ADAMTSL1: variants seen among roughly 807,000 people sequenced by gnomAD.
ADAMTSL1 encodes ADAMTS-like protein 1.
In ADAMTSL1, 126 loss-of-function variants were observed where a neutral mutation model predicts 201.8. The ratio of observed to expected loss-of-function variants is 0.62; its 90% CI spans 0.54 to 0.72. ADAMTSL1 has a LOEUF of 0.72. Ranked by LOEUF, ADAMTSL1 falls within the 30% of genes least tolerant of loss-of-function variation. The pLI is 0.00. For missense variants in ADAMTSL1, 2,679 were observed against 2,277.8 expected, an observed-to-expected ratio of 1.18 and a Z score of -3.59; for synonymous variants, 1,121 against 903.4, an observed-to-expected ratio of 1.24 and a Z score of -4.32.
chr9:18,063,491 G>T (rs1026756486), intron 1 of ADAMTSL1, among the ~76,000 whole-genome samples: 2 of 152,216 alleles, frequency 1.3e-5, no homozygotes, highest in African/African-American at 4.8e-5. Context: ...AAATATGTTT[G>T]TCAAGCATTC....
intron 1 of ADAMTSL1, among the ~76,000 whole-genome samples, chr9:17,991,737 C>T (rs1206965601): frequency 6.6e-6 from 1 of 152,128 alleles, no homozygotes; most frequent in Admixed American, 6.6e-5. Flanking sequence ...ATAGTCAGAC[C>T]TGCCTCAGAT....
chr9:17,997,000 A>G (rs1419993164), intron 1 of ADAMTSL1, among the ~76,000 whole-genome samples: 2 of 152,160 alleles, frequency 1.3e-5, no homozygotes, highest in African/African-American at 4.8e-5. Context: ...TCAGATAAGA[A>G]CCTACGTAAG....
chr9:18,251,629 C>T (rs1443667253), intron 2 of ADAMTSL1, among the ~76,000 whole-genome samples: 1 of 152,076 alleles, frequency 6.6e-6, no homozygotes, highest in Non-Finnish European at 1.5e-5. Context: ...TTTCAAGGCT[C>T]ACATGGAAGA....
chr9:18,198,031 G>C (rs1563801954), intron 2 of ADAMTSL1, among the ~76,000 whole-genome samples: 2 of 152,266 alleles, frequency 1.3e-5, no homozygotes, highest in African/African-American at 4.8e-5. Context: ...TTAATGAATG[G>C]TGCTGGGAAA....
At chr9:17,914,753 G>T (rs1214699209) in intron 1 of ADAMTSL1, among the ~76,000 whole-genome samples, 1 of 151,988 alleles carries the variant, frequency 6.6e-6, no homozygotes, top group African/African-American at 2.4e-5. Context: ...CAGATGACAT[G>T]ATTGTATATC....
intron 2 of ADAMTSL1, among the ~76,000 whole-genome samples, chr9:18,234,133 G>A (rs1170042387): frequency 6.6e-6 from 1 of 152,144 alleles, no homozygotes; most frequent in African/African-American, 2.4e-5. Flanking sequence ...TGGGGGGTGA[G>A]AGTGAGAAAA....
intron 2 of ADAMTSL1, among the ~76,000 whole-genome samples, chr9:18,318,065 C>T (rs570778989): frequency 6.6e-6 from 1 of 152,110 alleles, no homozygotes; most frequent in Non-Finnish European, 1.5e-5. Context: ...AATTAGACAC[C>T]TCTTGGGCTA....
At chr9:18,345,928 C>T (rs1393766299) in intron 2 of ADAMTSL1, among the ~76,000 whole-genome samples, 1 of 152,028 alleles carries the variant, frequency 6.6e-6, no homozygotes, top group African/African-American at 2.4e-5. Context: ...ACTGCAGGCC[C>T]TGTAAACAAA....
chr9:18,872,490 C>T (rs1266071532), intron 23 of ADAMTSL1, among the ~76,000 whole-genome samples: 1 of 152,144 alleles, frequency 6.6e-6, no homozygotes, highest in East Asian at 1.9e-4. Context: ...CACCCACCTC[C>T]CATGCTTCCT....
chr9:18,851,387 A>G (rs778918892), intron 23 of ADAMTSL1, among the ~76,000 whole-genome samples: 12 of 152,328 alleles, frequency 7.9e-5, no homozygotes, highest in South Asian at 6.2e-4. Context: ...TTCTATTTCC[A>G]TCTAGCTGTT....
chr9:18,601,438 A>G (rs923278459), intron 4 of ADAMTSL1, among the ~76,000 whole-genome samples: 3 of 152,206 alleles, frequency 2.0e-5, no homozygotes, highest in African/African-American at 7.2e-5. Flanking sequence ...AGCTCTAATC[A>G]TATTCTGACT....
chr9:18,080,268 G>A (rs575916034), intron 1 of ADAMTSL1, among the ~76,000 whole-genome samples: 1 of 152,308 alleles, frequency 6.6e-6, no homozygotes, highest in African/African-American at 2.4e-5. Context: ...ATAAGGTAGA[G>A]ATATAAGGTA....
At chr9:18,197,218 A>C (rs556546367) in intron 2 of ADAMTSL1, among the ~76,000 whole-genome samples, 1 of 152,264 alleles carries the variant, frequency 6.6e-6, no homozygotes, top group East Asian at 1.9e-4. Context: ...CTGTGAAGAA[A>C]GGCATTGGTA....
intron 2 of ADAMTSL1, among the ~76,000 whole-genome samples, chr9:18,219,588 C>T (rs138111299): frequency 1.0e-3 from 159 of 152,040 alleles, no homozygotes; most frequent in African/African-American, 3.4e-3. Context: ...AGGCTGGTCT[C>T]GAACTCCTGA....
Position 18,777,301 on chromosome 9 carries a change from C to A in ADAMTSL1, c.3072C>A (p.Leu1024=), listed in dbSNP as rs752732254. ...AANPGSRYDD[L]VSRLLEQGGW... ...ACCCGGGGAGCCGCTACGACGACCT[C>A]GTCTCCCGGCTGCTGGAGCAGGGCG... Residue 1024 remains leucine (L), a synonymous_variant, in exon 19 of 29, where the codon CTC becomes CTA. Coordinates refer to ENST00000380548, the MANE Select transcript of ADAMTSL1 (RefSeq NM_001040272.6). 32 of 1,604,030 alleles carry A rather than the reference C, an allele frequency of 2.0e-5. No individual in the cohort carries two copies. The highest frequency in any genetic ancestry group is 2.6e-5 in the Non-Finnish European group (30 of 1,175,586).
chr9:18,754,608 C>G (rs572858608), intron 16 of ADAMTSL1, among the ~76,000 whole-genome samples: 4 of 152,330 alleles, frequency 2.6e-5, no homozygotes, highest in Admixed American at 6.5e-5. Context: ...AGAAGGGTCT[C>G]CCATTTCCAG....
At chr9:18,059,344 G>A (rs1355301324) in intron 1 of ADAMTSL1, among the ~76,000 whole-genome samples, 4 of 152,016 alleles carry the variant, frequency 2.6e-5, no homozygotes, top group Non-Finnish European at 5.9e-5. Context: ...GATAAATCGA[G>A]TATCATTTTT....
intron 4 of ADAMTSL1, among the ~76,000 whole-genome samples, chr9:18,581,890 G>A (rs1823120489): frequency 6.6e-6 from 1 of 152,168 alleles, no homozygotes; most frequent in Non-Finnish European, 1.5e-5. Flanking sequence ...GGTAGAGTCA[G>A]CCCAGGCTTC....
intron 9 of ADAMTSL1, among the ~76,000 whole-genome samples, chr9:18,672,731 A>G (rs991220972): frequency 6.6e-6 from 1 of 152,230 alleles, no homozygotes; most frequent in African/African-American, 2.4e-5. Context: ...CATGTGCTGC[A>G]TAATGTTTCA....
Sources: gnomAD v4.1 joint callset for allele counts (sites outside exome capture counted in the v4.1 genomes callset) on GRCh38, gnomAD v4.1.1 for gene constraint, MANE v1.5 for transcripts, NCBI Gene and HGNC (gene_info 2026-07-23, HGNC 2026-07-21) for gene names.